ARHGAP6: variants seen among roughly 807,000 people sequenced by gnomAD.
The protein encoded by ARHGAP6 is rho GTPase-activating protein 6.
ARHGAP6 carries 16 observed loss-of-function variants against 55.7 expected under a neutral mutation model. The ratio of observed to expected loss-of-function variants is 0.29; its 90% confidence interval spans 0.19 to 0.44. ARHGAP6 has a LOEUF of 0.44. Among genes scored for constraint, ARHGAP6 ranks in the 20% least tolerant of loss-of-function variants. ARHGAP6 has a pLI of 1.00. For missense variants in ARHGAP6, 698 were observed against 808.9 expected, an observed-to-expected ratio of 0.86 and a Z score of 1.66; for synonymous variants, 382 against 360.9, an observed-to-expected ratio of 1.06 and a Z score of -0.66.
rs1351015479 is a variant in ARHGAP6 at position 11,182,128 on chromosome X, A to C, written c.1274-10T>G. On this transcript the variant is annotated splice_polypyrimidine_tract_variant and intron_variant, in intron 5 of 12. Coordinates refer to ENST00000337414, the MANE Select transcript of ARHGAP6 (RefSeq NM_013427.3). ...CCCACTGTCTGGAGGCCTGCAAATA[A>C]GCAAACAAAATGAACAGTCTTGTTT... The C allele has an allele frequency of 8.4e-7, 1 of 1,196,573 alleles. No individual in the cohort carries two copies. Among genetic ancestry groups the C allele is most frequent in the East Asian group, 3.0e-5 (1 of 33,474 alleles).
At chrX:11,548,122 C>T (rs189423962) in intron 1 of ARHGAP6, among the ~76,000 whole-genome samples, 143 of 111,512 alleles carry the variant, frequency 1.3e-3, no homozygotes, top group African/African-American at 4.1e-3. Context: ...AATTATTTTT[C>T]CTTTTGTGTT....
intron 1 of ARHGAP6, among the ~76,000 whole-genome samples, chrX:11,499,294 G>T (rs941544607): frequency 1.8e-5 from 2 of 111,559 alleles, no homozygotes; most frequent in African/African-American, 6.5e-5. Flanking sequence ...GTTTATTGCG[G>T]AATTGGGAGT....
At chrX:11,502,671 G>A (rs1269311056) in intron 1 of ARHGAP6, among the ~76,000 whole-genome samples, 2 of 111,389 alleles carry the variant, frequency 1.8e-5, no homozygotes, top group African/African-American at 6.5e-5. Flanking sequence ...ATGATGATCT[G>A]CTTCTACTTA....
chrX:11,485,534 A>T (rs1307799635), intron 1 of ARHGAP6, among the ~76,000 whole-genome samples: 1 of 112,751 alleles, frequency 8.9e-6, no homozygotes, highest in Non-Finnish European at 1.9e-5. Flanking sequence ...TAAAGTTCTC[A>T]TCTACTTTTG....
At chrX:11,155,756 T>C (rs1478850266) in intron 10 of ARHGAP6, among the ~76,000 whole-genome samples, 1 of 112,269 alleles carries the variant, frequency 8.9e-6, no homozygotes, top group African/African-American at 3.2e-5. Flanking sequence ...ATTTATTGTT[T>C]GGTGTCCTGG....
Position 11,276,128 on chromosome X carries a change from G to A in ARHGAP6, c.589-21421C>T, listed in dbSNP as rs1198033320. On this transcript the variant is annotated intron_variant, in intron 1 of 12. Coordinates refer to ENST00000337414, the MANE Select transcript of ARHGAP6 (RefSeq NM_013427.3). ...TCTCATTGAGGGAGGAAAGAGGAGG[G>A]GTGGGAATGTTTAAATGTCAGCTAT... Among the ~76,000 whole-genome samples the A allele has an allele frequency of 2.7e-5, 3 of 111,115 alleles. No individual in the cohort carries two copies. In the Admixed American group the frequency reaches 2.9e-4, roughly 11 times the overall value.
chrX:11,605,167 G>A (rs905298108), intron 1 of ARHGAP6, among the ~76,000 whole-genome samples: 4 of 111,553 alleles, frequency 3.6e-5, no homozygotes, highest in Non-Finnish European at 5.7e-5. Flanking sequence ...GAGAATGGAC[G>A]CAATGTTCTC....
At chrX:11,199,262 T>C (rs893606877) in intron 2 of ARHGAP6, among the ~76,000 whole-genome samples, 1 of 112,336 alleles carries the variant, frequency 8.9e-6, no homozygotes, top group Non-Finnish European at 1.9e-5. Context: ...TGCTCATGTC[T>C]TCTTATGAGC....
At chrX:11,383,238 C>A (rs1460007993) in intron 1 of ARHGAP6, among the ~76,000 whole-genome samples, 1 of 111,434 alleles carries the variant, frequency 9.0e-6, no homozygotes, top group African/African-American at 3.3e-5. Flanking sequence ...CTTCATGGTT[C>A]ATTGTGGAGA....
intron 1 of ARHGAP6, among the ~76,000 whole-genome samples, chrX:11,449,153 C>T (rs1305743011): frequency 9.0e-6 from 1 of 111,711 alleles, no homozygotes; most frequent in Non-Finnish European, 1.9e-5. Flanking sequence ...GCCACCAAGG[C>T]TAGTGGGCCC....
intron 1 of ARHGAP6, among the ~76,000 whole-genome samples, chrX:11,522,607 C>T (rs1318013599): frequency 1.8e-5 from 2 of 111,441 alleles, no homozygotes; most frequent in Admixed American, 1.9e-4. Context: ...ACTATAAACA[C>T]CTCTATGCAA....
At chrX:11,329,185 A>T (rs1479065018) in intron 1 of ARHGAP6, among the ~76,000 whole-genome samples, 1 of 111,985 alleles carries the variant, frequency 8.9e-6, no homozygotes, top group Non-Finnish European at 1.9e-5. Context: ...TTGGCACCAG[A>T]GTTATGAGAT....
intron 1 of ARHGAP6, among the ~76,000 whole-genome samples, chrX:11,484,885 G>C (rs1275745665): frequency 9.0e-6 from 1 of 111,710 alleles, no homozygotes; most frequent in East Asian, 2.8e-4. Flanking sequence ...AGCTCAAAAA[G>C]TTACATAAAT....
At chrX:11,275,975 A>C (rs1423313808) in intron 1 of ARHGAP6, among the ~76,000 whole-genome samples, 1 of 111,787 alleles carries the variant, frequency 8.9e-6, no homozygotes. Flanking sequence ...TTTACTATGG[A>C]CCTATAAGGA....
chrX:11,277,499 C>A (rs2047790367), intron 1 of ARHGAP6, among the ~76,000 whole-genome samples: 1 of 111,200 alleles, frequency 9.0e-6, no homozygotes, highest in African/African-American at 3.3e-5. Flanking sequence ...TATTTTAGTG[C>A]AAAACTTGTT....
At chrX:11,301,952 C>T (rs960078351) in intron 1 of ARHGAP6, among the ~76,000 whole-genome samples, 1 of 112,077 alleles carries the variant, frequency 8.9e-6, no homozygotes, top group Non-Finnish European at 1.9e-5. Context: ...GAGCTGGAAT[C>T]AATCCCAGCA....
At chrX:11,216,137 C>A (rs1432880008) in intron 2 of ARHGAP6, among the ~76,000 whole-genome samples, 5 of 107,059 alleles carry the variant, frequency 4.7e-5, no homozygotes, top group Admixed American at 3.0e-4. Flanking sequence ...GGGCAGAGAG[C>A]CAAAAGGGTC....
rs149294429 is a variant in ARHGAP6, at chrX:11,592,557, T to C, written c.588+71684A>G. 6.0e-3 allele frequency among the ~76,000 whole-genome samples: 672 copies of C among 111,268 alleles called. 3 individuals carry two copies. Among genetic ancestry groups the C allele is most frequent in the African/African-American group, 0.021 (647 of 30,639 alleles). On this transcript the variant is annotated intron_variant, in intron 1 of 12. Transcript: ENST00000337414. ...AGGAAAAAAGTATATTGCTGGTATATAATATATACAAAAATATGGTATTAT... is the reference window on the plus strand; with the variant it reads ...AGGAAAAAAGTATATTGCTGGTATACAATATATACAAAAATATGGTATTAT...
At chrX:11,446,574 T>C (rs2050094077) in intron 1 of ARHGAP6, among the ~76,000 whole-genome samples, 1 of 111,630 alleles carries the variant, frequency 9.0e-6, no homozygotes, top group Non-Finnish European at 1.9e-5. Context: ...GGCAGAAAGC[T>C]GACATTCCGT....
Sources: gnomAD v4.1 joint callset for allele counts (sites outside exome capture counted in the v4.1 genomes callset) on GRCh38, gnomAD v4.1.1 for gene constraint, MANE v1.5 for transcripts, NCBI Gene and HGNC (gene_info 2026-07-23, HGNC 2026-07-21) for gene names.